Variants in SEMA3A observed in about 807,000 individuals in gnomAD.
SEMA3A encodes semaphorin-3A.
Under a neutral mutation model 97.9 loss-of-function variants are expected in SEMA3A, and 29 were observed. The observed-to-expected ratio is 0.30, with a 90% CI of 0.22 to 0.40. The LOEUF (loss-of-function observed/expected upper bound fraction) is 0.40. Among genes scored for constraint, SEMA3A ranks in the 10% least tolerant of loss-of-function variants. SEMA3A has a pLI of 1.00. For missense variants in SEMA3A, 763 were observed against 951.3 expected (o/e 0.80, Z 2.60); for synonymous variants, 321 against 323.7 (o/e 0.99, Z 0.09).
chr7:84,238,073 A>AC (rs1562866093), intron 3 of SEMA3A, among the ~76,000 whole-genome samples: 1 of 148,076 alleles, frequency 6.8e-6, no homozygotes, highest in African/African-American at 2.5e-5. Context: ...AGGATATTCA[A>AC]TTTTTTTTTT....
At chr7:84,086,469 ATG>A (rs56393029) in intron 4 of SEMA3A, among the ~76,000 whole-genome samples, 12,277 of 106,880 alleles carry the variant, frequency 0.11, 861 homozygotes, top group African/African-American at 0.26. Flanking sequence ...CATATATAAT[ATG>A]TATTATTATA....
chr7:84,164,587 C>T (rs1797143358), intron 1 of SEMA3A, among the ~76,000 whole-genome samples: 1 of 151,966 alleles, frequency 6.6e-6, no homozygotes, highest in Non-Finnish European at 1.5e-5. Context: ...CCACGCAGAC[C>T]CATATAAACA....
At chr7:84,123,726 T>A (rs1452816169) in intron 3 of SEMA3A, among the ~76,000 whole-genome samples, 1 of 146,582 alleles carries the variant, frequency 6.8e-6, no homozygotes, top group Non-Finnish European at 1.5e-5. Flanking sequence ...TCAGATAAAA[T>A]ATATATATTT....
chr7:84,244,796 T>C (rs188146659), intron 3 of SEMA3A, among the ~76,000 whole-genome samples: 36 of 152,296 alleles, frequency 2.4e-4, no homozygotes, highest in African/African-American at 8.2e-4. Context: ...GATTTTCTTC[T>C]TTCAGCATTT....
chr7:84,224,901 G>A (rs756664001), intron 3 of SEMA3A, among the ~76,000 whole-genome samples: 12 of 151,862 alleles, frequency 7.9e-5, no homozygotes, highest in Non-Finnish European at 1.8e-4. Flanking sequence ...CATCAATACT[G>A]CATATTATTA....
At chr7:84,194,398 T>G in intron 1 of SEMA3A, 77 bp downstream of exon 1, 10 of 883,508 alleles carry the variant, frequency 1.1e-5, no homozygotes, top group African/African-American at 1.8e-5. Flanking sequence ...TGATTTGGGG[T>G]TGGGAGGGAG....
chr7:84,230,450 T>C (rs1799092758), intron 3 of SEMA3A, among the ~76,000 whole-genome samples: 1 of 152,042 alleles, frequency 6.6e-6, no homozygotes, highest in South Asian at 2.1e-4. Context: ...AACTCAACTT[T>C]AACAGGGACA....
chr7:84,112,770 T>A (rs1310126477), intron 3 of SEMA3A, among the ~76,000 whole-genome samples: 1 of 152,190 alleles, frequency 6.6e-6, no homozygotes, highest in East Asian at 1.9e-4. Context: ...CCACTGAATA[T>A]CATAATTTTA....
intron 3 of SEMA3A, among the ~76,000 whole-genome samples, chr7:84,242,048 A>C (rs531632753): frequency 5.9e-5 from 9 of 152,224 alleles, no homozygotes; most frequent in African/African-American, 1.9e-4. Context: ...GTATAGTTTC[A>C]AGTCAGGTAG....
At chr7:84,395,592 T>TG (rs967783259) in intron 1 of SEMA3A, among the ~76,000 whole-genome samples, 3 of 133,158 alleles carry the variant, frequency 2.3e-5, no homozygotes, top group Admixed American at 7.4e-5. Flanking sequence ...AATTGAATCA[T>TG]GGGGGGAGAT....
At chr7:84,172,879 G>GA (rs887751014) in intron 1 of SEMA3A, among the ~76,000 whole-genome samples, 150 of 152,206 alleles carry the variant, frequency 9.9e-4, no homozygotes, top group African/African-American at 3.4e-3. Flanking sequence ...TGAAGTTCTA[G>GA]AAAAAACATA....
At chr7:84,329,827 T>C (rs1433692752) in intron 2 of SEMA3A, among the ~76,000 whole-genome samples, 1 of 152,102 alleles carries the variant, frequency 6.6e-6, no homozygotes, top group Non-Finnish European at 1.5e-5. Flanking sequence ...TATCACATAC[T>C]TGCACTTCTC....
intron 14 of SEMA3A, among the ~76,000 whole-genome samples, chr7:83,978,030 C>T (rs1294680631): frequency 6.6e-6 from 1 of 152,054 alleles, no homozygotes; most frequent in African/African-American, 2.4e-5. Flanking sequence ...GTCTCGATCT[C>T]CTGACCTTGT....
chr7:84,063,786 C>T lies in SEMA3A; in HGVS notation c.454-3228G>A, dbSNP rs879411517. Among the ~76,000 whole-genome samples, 267 of 149,230 alleles carry T rather than the reference C, an allele frequency of 1.8e-3. 3 individuals are homozygous for T. Among genetic ancestry groups the T allele is most frequent in the Middle Eastern group, 7.0e-3 (2 of 286 alleles). ...GGACTATGTGAAAAGACCAAATCTA[C>T]GTCTGATTGGTGTACCTGAAAGTGA... On this transcript the variant is annotated intron_variant, in intron 4 of 16. Coordinates refer to ENST00000265362, the MANE Select transcript of SEMA3A (RefSeq NM_006080.3).
chr7:84,365,474 C>A (rs185908417), intron 2 of SEMA3A, among the ~76,000 whole-genome samples: 65 of 138,702 alleles, frequency 4.7e-4, no homozygotes, highest in African/African-American at 1.7e-3. Flanking sequence ...ATGCAGGATT[C>A]AAACCCTCAT....
At chr7:84,491,933 T>C (rs781097783) in intron 1 of SEMA3A, among the ~76,000 whole-genome samples, 1 of 152,158 alleles carries the variant, frequency 6.6e-6, no homozygotes, top group Non-Finnish European at 1.5e-5. Flanking sequence ...TAATACTCTT[T>C]TAGAGTTTTT....
chr7:84,164,860 T>C (rs979775793), intron 1 of SEMA3A, among the ~76,000 whole-genome samples: 8 of 152,132 alleles, frequency 5.3e-5, no homozygotes, highest in African/African-American at 1.2e-4. Flanking sequence ...CATTTTAATA[T>C]AATTATATAA....
chr7:84,306,170 T>A (rs1801148844), intron 3 of SEMA3A, among the ~76,000 whole-genome samples: 2 of 151,656 alleles, frequency 1.3e-5, no homozygotes, highest in East Asian at 1.9e-4. Flanking sequence ...ATGTGATAAA[T>A]TTTTTTTGTG....
chr7:84,002,966 C>T (rs924580355), intron 11 of SEMA3A, among the ~76,000 whole-genome samples: 2 of 152,030 alleles, frequency 1.3e-5, no homozygotes, highest in East Asian at 1.9e-4. Context: ...GGAACAGGGG[C>T]TTATTAAATT....
Sources: gnomAD v4.1 joint callset for allele counts (sites outside exome capture counted in the v4.1 genomes callset) on GRCh38, gnomAD v4.1.1 for gene constraint, MANE v1.5 for transcripts, NCBI Gene and HGNC (gene_info 2026-07-23, HGNC 2026-07-21) for gene names.